The following CACNA1H variants were observed in gnomAD, a reference collection of about 807,000 sequenced individuals.
The protein encoded by CACNA1H is voltage-dependent T-type calcium channel subunit alpha-1H.
CACNA1H carries 149 observed loss-of-function variants against 192.5 expected under a neutral mutation model. The ratio of observed to expected loss-of-function variants is 0.77; its 90% CI spans 0.68 to 0.89. CACNA1H has a LOEUF of 0.89. Ranked by LOEUF, CACNA1H falls within the 40% of genes least tolerant of loss-of-function variation. CACNA1H has a pLI of 0.00. For missense variants in CACNA1H, 4,257 were observed against 3,423.5 expected (o/e 1.24, Z -6.08); for synonymous variants, 2,202 against 1,475.2 (o/e 1.49, Z -11.29).
chr16:1,214,212 A>G (rs1969797718), intron 27 of CACNA1H, among the ~76,000 whole-genome samples: 1 of 151,864 alleles, frequency 6.6e-6, no homozygotes, highest in African/African-American at 2.4e-5. Flanking sequence ...GGACGTGAGC[A>G]TCCGACCCAT....
intron 28 of CACNA1H, 54 bp from the exon 29 acceptor site, chr16:1,215,188 T>C (rs1969908222): frequency 8.2e-6 from 13 of 1,582,522 alleles, no homozygotes; most frequent in Admixed American, 1.8e-5. Context: ...GAAGCAACGC[T>C]GCTGAGCCGA....
intron 2 of CACNA1H, among the ~76,000 whole-genome samples, chr16:1,194,521 G>T (rs1329710081): frequency 1.3e-5 from 2 of 152,168 alleles, no homozygotes. Flanking sequence ...GCATGGCGGT[G>T]CCCCGACATT....
rs896902601 is a variant in CACNA1H at position 1,167,949 on chromosome 16, T to C, written c.299+13913T>C. On this transcript the variant is annotated intron_variant, in intron 2 of 34. Transcript: ENST00000348261. This position sits in a 1 kb window ranked among gnomAD's most constrained non-coding sequence, Gnocchi z 4.2. ...CGTGGGGCCTCAGGAGCCAGGCCTG[T>C]TCCCCGGGGCTGCCTGGAGGCGGCC... Among the ~76,000 whole-genome samples, 7 of 152,056 alleles carry C rather than the reference T, an allele frequency of 4.6e-5. No individual in the cohort carries two copies. Among genetic ancestry groups the C allele is most frequent in the Non-Finnish European group, 1.0e-4 (7 of 67,966 alleles).
At chr16:1,192,784 G>A (rs2141175655) in intron 2 of CACNA1H, among the ~76,000 whole-genome samples, 1 of 152,306 alleles carries the variant, frequency 6.6e-6, no homozygotes, top group African/African-American at 2.4e-5. Context: ...TCGGGCAATG[G>A]CTGGAGACAT....
Position 1,210,599 on chromosome 16 carries a change from G to A in CACNA1H, c.3986G>A (p.Ser1329Asn). 6.2e-7 allele frequency: 1 copy of A among 1,608,442 alleles called. No homozygotes were observed. The highest frequency in any genetic ancestry group is 8.5e-7 in the Non-Finnish European group (1 of 1,179,788). ...DPGSTERVFLSVSNYIFTAIF... is the reference protein window; with the variant it reads ...DPGSTERVFLNVSNYIFTAIF... ...TCCCGGCAGGAGCGGGTCTTCCTCAGCGTCTCCAATTACATCTTCACGGCC... is the reference window on the plus strand; with the variant it reads ...TCCCGGCAGGAGCGGGTCTTCCTCAACGTCTCCAATTACATCTTCACGGCC... Residue 1329 changes from serine (S) to asparagine (N), a missense_variant, in exon 20 of 35, where the codon AGC (serine) becomes AAC (asparagine). Ser to Asn is a conservative substitution (Grantham distance 46, BLOSUM62 1). Transcript: ENST00000348261.
At chr16:1,215,621 G>T (rs2753322) in intron 30 of CACNA1H, 28 bp downstream of exon 30, 2 of 1,592,714 alleles carry the variant, frequency 1.3e-6, no homozygotes, top group African/African-American at 1.3e-5. Flanking sequence ...CATCCTCAGC[G>T]CAGGCCCCCG....
chr16:1,210,333 G>GCCCCCCCCCCCCTCCCCCCCC, intron 18 of CACNA1H, 37 bp from the exon 19 acceptor site: 1 of 1,320,232 alleles, frequency 7.6e-7, no homozygotes, highest in Non-Finnish European at 1.0e-6. Context: ...CATCCACGCC[G>GCCCCCCCCCCCCTCCCCCCCC]CCCCGCCCCA....
At position 1,215,014 on chromosome 16, in the gene CACNA1H, A is replaced by G. The variant is rs375017750; in HGVS notation, c.4972A>G (p.Ile1658Val). 37 of 1,612,642 alleles carry G rather than the reference A, an allele frequency of 2.3e-5. No homozygotes were observed. In the African/African-American group the frequency reaches 2.9e-4, roughly 13 times the overall value. ...CAAGTACTGCAACTACGTCTTCACC[A>G]TCGTGTTTGTCTTCGAGGCTGCACT... is the stretch of plus-strand genomic sequence containing the variant. The part of the protein sequence containing the change: ...ALKYCNYVFT[I>V]VFVFEAALKL... The change falls in exon 28 of 35, where the codon ATC becomes GTC. Residue 1658 changes from isoleucine (I) to valine (V), a missense_variant. Ile to Val is a conservative substitution (Grantham distance 29). Coordinates refer to ENST00000348261, the MANE Select transcript of CACNA1H (RefSeq NM_021098.3).
rs1306681603 is a variant in CACNA1H, at chr16:1,201,977, G to A, written c.1527G>A (p.Arg509=). The part of the protein sequence containing the change: ...GPGHRQRRAG[R]HTASVHHLVY... ...GGCACCGCCAGCGCCGGGCAGGCAG[G>A]CACACAGCCTCGGTGCACCACCTGG... The change falls in exon 9 of 35, where the codon AGG becomes AGA. Residue 509 remains arginine (R), a synonymous_variant. Coordinates refer to ENST00000348261, the MANE Select transcript of CACNA1H (RefSeq NM_021098.3). 3 of 1,542,618 alleles carry A rather than the reference G, an allele frequency of 1.9e-6. No homozygotes were observed. The highest frequency in any genetic ancestry group is 2.6e-6 in the Non-Finnish European group (3 of 1,143,980).
Position 1,211,246 on chromosome 16 carries a change from C to T in CACNA1H, c.4302C>T (p.Val1434=), listed in dbSNP as rs752408030. The stretch of plus-strand genomic sequence containing the variant: ...CACTCAGGCCCATTGGGAACATCGT[C>T]CTCATCTGCTGCGCCTTCTTCATCA... The part of the protein sequence containing the change: ...ISSLRPIGNI[V]LICCAFFIIF... The change falls in exon 22 of 35, where the codon GTC becomes GTT. Residue 1434 remains valine (V), a synonymous_variant. Coordinates refer to ENST00000348261, the MANE Select transcript of CACNA1H (RefSeq NM_021098.3). 3.7e-6 allele frequency: 6 copies of T among 1,613,132 alleles called. No individual in the cohort carries two copies. The highest frequency in any genetic ancestry group is 2.7e-5 in the African/African-American group (2 of 75,052).
intron 2 of CACNA1H, among the ~76,000 whole-genome samples, chr16:1,162,376 C>A (rs1363135489): frequency 6.6e-6 from 1 of 152,042 alleles, no homozygotes; most frequent in Admixed American, 6.6e-5. Context: ...ACCTGTGGGC[C>A]CCCCCGGAGG....
chr16:1,210,202 C>T lies in CACNA1H; in HGVS notation c.3845+67C>T. On this transcript the variant is annotated intron_variant, in intron 18 of 34. Transcript: ENST00000348261. ...CCACGGGACCCCCGCCCCCAGGTCCCTCCTGGGTGGGGCTAGCACATGGTG... is the reference window on the plus strand; with the variant it reads ...CCACGGGACCCCCGCCCCCAGGTCCTTCCTGGGTGGGGCTAGCACATGGTG... The T allele has an allele frequency of 1.1e-5, 15 of 1,358,624 alleles. No homozygotes were observed. In the South Asian group the frequency reaches 1.4e-4, roughly 12 times the overall value. The allele number at this position is 1,358,624 out of a possible 1,614,324, so 84.2% of individuals were successfully genotyped here.
chr16:1,213,171 C>T (rs772921133), intron 26 of CACNA1H, among the ~76,000 whole-genome samples: 4 of 152,228 alleles, frequency 2.6e-5, no homozygotes, highest in African/African-American at 9.6e-5. Context: ...CAGCCCATGG[C>T]CCCTTGGAGG....
intron 8 of CACNA1H, among the ~76,000 whole-genome samples, chr16:1,201,145 G>A (rs1967834337): frequency 6.6e-6 from 1 of 152,184 alleles, no homozygotes; most frequent in African/African-American, 2.4e-5. Context: ...GCCCCAGTGG[G>A]TCCTGGCAGA....
chr16:1,178,002 TGAGGCCTCCCCCACTCCC>T (rs1965068207), intron 2 of CACNA1H, among the ~76,000 whole-genome samples: 1 of 42,738 alleles, frequency 2.3e-5, no homozygotes, highest in Non-Finnish European at 4.6e-5. Flanking sequence ...CCCCTCTCCC[TGAGGCCTCCCCCACTCCC>T]TCTCCCTGGG....
chr16:1,197,888 C>T (rs1365693184), intron 5 of CACNA1H, among the ~76,000 whole-genome samples: 2 of 152,126 alleles, frequency 1.3e-5, no homozygotes, highest in African/African-American at 4.8e-5. Flanking sequence ...GCGAGGGGCG[C>T]GTGGGGCTTG....
chr16:1,192,804 G>C (rs937586377), intron 2 of CACNA1H, among the ~76,000 whole-genome samples: 1 of 152,142 alleles, frequency 6.6e-6, no homozygotes, highest in Non-Finnish European at 1.5e-5. Context: ...TCTGGAGGCG[G>C]GTCTCAGCCC....
intron 30 of CACNA1H, among the ~76,000 whole-genome samples, chr16:1,216,116 C>T (rs1970006187): frequency 1.3e-5 from 2 of 152,174 alleles, no homozygotes; most frequent in African/African-American, 4.8e-5. Context: ...GTCCATCCAC[C>T]AGCCCAGCCA....
chr16:1,210,190 GC>G, intron 18 of CACNA1H, 55 bp downstream of exon 18: 4 of 1,426,564 alleles, frequency 2.8e-6, no homozygotes, highest in Non-Finnish European at 3.9e-6. Context: ...CGGGACCCCC[GC>G]CCCCAGGTCC....
Sources: gnomAD v4.1 joint callset for allele counts (sites outside exome capture counted in the v4.1 genomes callset) on GRCh38, gnomAD v4.1.1 for gene constraint, Gnocchi (gnomAD v3.1) non-coding constraint, MANE v1.5 for transcripts, NCBI Gene and HGNC (gene_info 2026-07-23, HGNC 2026-07-21) for gene names.